The following ELP5 variants were observed in gnomAD, a reference collection of about 807,000 sequenced individuals.
ELP5 encodes the protein elongator acetyltransferase complex subunit 5, also known as elongator complex protein 5.
Under a neutral mutation model 33.4 loss-of-function variants are expected in ELP5, and 34 were observed. The observed-to-expected ratio is 1.02, with a 90% CI of 0.78 to 1.36. The LOEUF (loss-of-function observed/expected upper bound fraction) is 1.36. Ranked by LOEUF, ELP5 falls within the 40% of genes most tolerant of loss-of-function variation. ELP5 has a pLI of 0.00. For missense variants in ELP5, 373 were observed against 371.7 expected (o/e 1.00, Z -0.03); for synonymous variants, 161 against 146.4 (o/e 1.10, Z -0.72).
Position 7,252,307 on chromosome 17 carries a change from C to A in ELP5, c.-244C>A. Reference sequence around the variant, plus strand: ...CCCCAACTGCTCTTCCCGCCCCGGTCACAGTGAAAATGTAGACGGGGTCGT... The same window carrying A: ...CCCCAACTGCTCTTCCCGCCCCGGTAACAGTGAAAATGTAGACGGGGTCGT... On this transcript the variant is annotated 5_prime_UTR_variant, in exon 1 of 8. Transcript: ENST00000396628. 1.7e-6 allele frequency: 1 copy of A among 599,182 alleles called. No homozygotes were observed. The allele number at this position is 599,182 out of a possible 1,614,324, so 37.1% of individuals were successfully genotyped here. A position where few individuals can be genotyped will look rare whatever the true frequency, so the allele number is the denominator to read the frequency against.
chr17:7,255,159 T>C (rs1002759635), intron 4 of ELP5, among the ~76,000 whole-genome samples: 11 of 152,032 alleles, frequency 7.2e-5, no homozygotes, highest in Non-Finnish European at 1.5e-4. Context: ...AAGATGGAGA[T>C]AAGTAAACAG....
intron 5 of ELP5, among the ~76,000 whole-genome samples, chr17:7,258,049 CAG>C (rs1314043454): frequency 6.6e-6 from 1 of 151,646 alleles, no homozygotes; most frequent in Non-Finnish European, 1.5e-5. Flanking sequence ...GCCTGGGCAA[CAG>C]AGTGAGACTC....
chr17:7,259,555 A>G lies in ELP5; in HGVS notation c.789-16A>G. The G allele has an allele frequency of 6.2e-7, 1 of 1,614,056 alleles. No homozygotes were observed. On this transcript the variant is annotated splice_polypyrimidine_tract_variant and intron_variant, in intron 7 of 7. Coordinates refer to ENST00000396628, the MANE Select transcript of ELP5 (RefSeq NM_203414.3). ...CTGTTAGCTACCCTCACCAGCACCA[A>G]ATCTTCCCTTCTCAGACAGCAGGCT...
chr17:7,259,132 G>A (rs2106842), intron 7 of ELP5: 872,417 of 1,424,986 alleles, frequency 0.61, 269,364 homozygotes, highest in Middle Eastern at 0.74. Flanking sequence ...ATACCCTTGG[G>A]TCACAGCTCC....
Position 7,252,485 on chromosome 17 carries a change from G to A in ELP5, c.-66G>A, listed in dbSNP as rs767065022. ...AGTGCTCGGCCCGTTTCACCCCGAG[G>A]AGGAAGGACACTGGGTCATGACGCC... On this transcript the variant is annotated 5_prime_UTR_variant, in exon 1 of 8. Coordinates refer to ENST00000396628, the MANE Select transcript of ELP5 (RefSeq NM_203414.3). 1 of 1,612,608 alleles carries A rather than the reference G, an allele frequency of 6.2e-7. No homozygotes were observed. Among genetic ancestry groups the A allele is most frequent in the East Asian group, 2.2e-5 (1 of 44,842 alleles).
In ELP5 at chr17:7,259,650, G is replaced by A; in HGVS notation, c.868G>A (p.Asp290Asn). The A allele has an allele frequency of 6.2e-7, 1 of 1,614,208 alleles. No individual in the cohort carries two copies. The highest frequency in any genetic ancestry group is 1.1e-5 in the South Asian group (1 of 91,084). The change falls in exon 8 of 8, where the codon GAC becomes AAC. Residue 290 changes from aspartate to asparagine, a missense_variant. Physicochemically the swap from Asp to Asn is conservative, Grantham distance 23. Transcript: ENST00000396628. ...TGAGCCAGATGCTTATGATGACCTG[G>A]ACCAAGAAGACCCAGATGACGACCT... is the stretch of plus-strand genomic sequence containing the variant. ...FYEPDAYDDL[D>N]QEDPDDDLDI
At chr17:7,256,771 T>C (rs1286756161) in intron 4 of ELP5, 86 bp from the exon 5 acceptor site, 2 of 1,403,500 alleles carry the variant, frequency 1.4e-6, no homozygotes, top group Admixed American at 1.7e-5. Context: ...GTGATGGAAT[T>C]GTGAGGCTCT....
chr17:7,253,361 T>C (rs1207365749), intron 3 of ELP5, among the ~76,000 whole-genome samples: 1 of 152,224 alleles, frequency 6.6e-6, no homozygotes, highest in Admixed American at 6.5e-5. Flanking sequence ...GACCTGTTCC[T>C]GACCTAATGA....
Position 7,257,039 on chromosome 17 carries a change from G to A in ELP5, c.591+1G>A, listed in dbSNP as rs780684502. The A allele has an allele frequency of 1.3e-6, 2 of 1,565,000 alleles. No homozygotes were observed. Among genetic ancestry groups the A allele is most frequent in the South Asian group, 1.2e-5 (1 of 85,620 alleles). On this transcript the variant is annotated splice_donor_variant, in intron 5 of 7. Transcript: ENST00000396628. LOFTEE classifies it high-confidence loss of function. ...GCCCCGACAGCGCCCAACTGACCAG[G>A]TCAGAAGAACCAACAGAGAAGGACT...
chr17:7,258,222 G>A (rs1405048741), intron 5 of ELP5, among the ~76,000 whole-genome samples: 1 of 152,174 alleles, frequency 6.6e-6, no homozygotes, highest in Non-Finnish European at 1.5e-5. Flanking sequence ...GCCGAAGTGG[G>A]CAGATCACCT....
At position 7,252,814 on chromosome 17, in the gene ELP5, A is replaced by G; in HGVS notation, c.91A>G (p.Lys31Glu). ...EGRSLLKALV[K>E]KSALCGEQVH... Reference sequence around the variant, plus strand: ...GCGCAGTCTCTTGAAGGCGCTTGTCAAGAAATCTGCACTGTGGTGAGTATC... The same window carrying G: ...GCGCAGTCTCTTGAAGGCGCTTGTCGAGAAATCTGCACTGTGGTGAGTATC... Residue 31 changes from lysine (K) to glutamate (E), a missense_variant, in exon 2 of 8, where the codon AAG becomes GAG. By Grantham distance (56) the Lys-to-Glu change is moderately conservative. Transcript: ENST00000396628. 1 of 1,614,224 alleles carries G rather than the reference A, an allele frequency of 6.2e-7. No homozygotes were observed. Among genetic ancestry groups the G allele is most frequent in the Non-Finnish European group, 8.5e-7 (1 of 1,180,032 alleles).
At position 7,258,402 on chromosome 17, in the gene ELP5, T is replaced by A. The variant is rs2072126071; in HGVS notation, c.592-186T>A. On this transcript the variant is annotated intron_variant, in intron 5 of 7. Coordinates refer to ENST00000396628, the MANE Select transcript of ELP5 (RefSeq NM_203414.3). ...AGGCGGAGGTTGCAGTGAGCTAAGA[T>A]CACGCCACTGTACTCCAGCCTGGGC... 2.0e-5 allele frequency among the ~76,000 whole-genome samples: 3 copies of A among 148,194 alleles called. No individual in the cohort carries two copies. The South Asian group carries it at 6.3e-4, about 31-fold the overall frequency.
At chr17:7,254,939 G>GT (rs5819150) in intron 4 of ELP5, 136 bp downstream of exon 4, 11,413 of 528,582 alleles carry the variant, frequency 0.022, 14 homozygotes, top group East Asian at 0.042. Context: ...TTTTTTGTCT[G>GT]TTTTTTTTTT....
chr17:7,259,511 GA>G lies in ELP5; in HGVS notation c.789-57del, dbSNP rs2072162031. The G allele has an allele frequency of 6.1e-5, 98 of 1,601,000 alleles. No individual in the cohort carries two copies. The South Asian group carries it at 9.6e-4, about 16-fold the overall frequency. On this transcript the variant is annotated intron_variant, in intron 7 of 7. Coordinates refer to ENST00000396628, the MANE Select transcript of ELP5 (RefSeq NM_203414.3). ...GAATGAGAGTCACAGTCACCTGGAA[GA>G]AAGTATCCAGACCCAACCTGTTAGC...
chr17:7,259,895 C>A lies in ELP5; in HGVS notation c.*210C>A. The A allele has an allele frequency of 1.7e-6, 1 of 605,390 alleles. No individual in the cohort carries two copies. Among genetic ancestry groups the A allele is most frequent in the Non-Finnish European group, 2.5e-6 (1 of 394,014 alleles). The allele number at this position is 605,390 out of a possible 1,614,324, so 37.5% of individuals were successfully genotyped here. A position where few individuals can be genotyped will look rare whatever the true frequency, so the allele number is the denominator to read the frequency against. On this transcript the variant is annotated 3_prime_UTR_variant, in exon 8 of 8. Transcript: ENST00000396628. ...CATGGGGTAATGTGAGAGAGTAGAA[C>A]ACCCCCGTACCTAATAAAAATCTTT...
At chr17:7,251,747 G>A (rs2071932823), upstream of ELP5, 1 of 152,444 alleles carries the variant, frequency 6.6e-6, no homozygotes, top group Admixed American at 6.5e-5. Context: ...TCGCAGGAAC[G>A]GGGAGGGCGG....
chr17:7,257,249 A>G (rs539744580), intron 5 of ELP5, among the ~76,000 whole-genome samples: 2 of 152,116 alleles, frequency 1.3e-5, no homozygotes, highest in African/African-American at 4.8e-5. Context: ...AGGATTACAG[A>G]CGTGAGCCAC....
chr17:7,252,176 G>A (rs2071946663), upstream of ELP5: 16 of 367,702 alleles, frequency 4.4e-5, no homozygotes, highest in South Asian at 3.6e-4. Context: ...AGGCGAAGCA[G>A]GCCCCGCCTC....
rs765259774 is a variant in ELP5, at chr17:7,256,904, G to T, written c.457G>T (p.Glu153Ter). The T allele has an allele frequency of 1.2e-6, 2 of 1,614,198 alleles. No homozygotes were observed. Among genetic ancestry groups the T allele is most frequent in the East Asian group, 4.5e-5 (2 of 44,892 alleles). ...GKVSVLGLLH[E>*]ELHGPGPVGA... ...AGTGAGTGTGCTGGGCTTGCTACAT[G>T]AAGAGCTTCATGGACCAGGCCCTGT... The change falls in exon 5 of 8, where the codon GAA (glutamate) becomes TAA (stop). Residue 153 changes from glutamate to a stop codon, truncating the protein, a stop_gained. Transcript: ENST00000396628. LOFTEE classifies it high-confidence loss of function.
Sources: allele counts gnomAD v4.1 joint callset (sites outside exome capture counted in the v4.1 genomes callset), GRCh38; gene constraint gnomAD v4.1.1; transcripts MANE v1.5; gene names NCBI Gene and HGNC (gene_info 2026-07-23, HGNC 2026-07-21).